Variants in PDZRN3 observed in about 807,000 individuals in gnomAD.
The protein encoded by PDZRN3 is E3 ubiquitin-protein ligase PDZRN3.
PDZRN3 carries 38 observed loss-of-function variants against 85.7 expected under a neutral mutation model. The observed-to-expected ratio is 0.44, with a 90% CI of 0.34 to 0.58. The LOEUF is 0.58. PDZRN3 is among the 20% of genes least tolerant of loss of function. PDZRN3 has a pLI of 0.01. For synonymous variants in PDZRN3, 759 were observed against 638.0 expected (o/e 1.19, Z -2.86); for missense variants, 1,629 against 1,506.4 (o/e 1.08, Z -1.35).
At chr3:73,569,486 T>C (rs1383472258) in intron 3 of PDZRN3, 2 of 1,092,238 alleles carry the variant, frequency 1.8e-6, no homozygotes, top group Non-Finnish European at 2.2e-6. Context: ...CTGCACAGAA[T>C]GCCTTTCTCC....
At chr3:73,393,339 TTCTACTACTACTAC>T (rs1701567068) in intron 5 of PDZRN3, among the ~76,000 whole-genome samples, 1 of 152,150 alleles carries the variant, frequency 6.6e-6, no homozygotes, top group South Asian at 2.1e-4. Context: ...CTACTGGACT[TTCTACTACTACTAC>T]TACTACTACT....
intron 3 of PDZRN3, among the ~76,000 whole-genome samples, chr3:73,536,850 G>A (rs970068144): frequency 9.2e-5 from 14 of 152,094 alleles, no homozygotes; most frequent in African/African-American, 2.2e-4. Context: ...CACGGGGGTC[G>A]CAGAGGTGGG....
At chr3:73,454,375 GAC>G (rs772993787) in intron 3 of PDZRN3, among the ~76,000 whole-genome samples, 1 of 152,078 alleles carries the variant, frequency 6.6e-6, no homozygotes, top group Admixed American at 6.5e-5. Context: ...CATCAGCAAT[GAC>G]ACCTCAACCC....
chr3:73,600,406 C>T (rs547728729), intron 3 of PDZRN3, among the ~76,000 whole-genome samples: 7 of 150,932 alleles, frequency 4.6e-5, no homozygotes, highest in South Asian at 2.1e-4. Flanking sequence ...TAAACTCAGA[C>T]GCAGATGAGG....
At chr3:73,522,807 G>C (rs1418877357) in intron 3 of PDZRN3, among the ~76,000 whole-genome samples, 1 of 152,066 alleles carries the variant, frequency 6.6e-6, no homozygotes, top group East Asian at 1.9e-4. Context: ...TTCTTCAATA[G>C]TTGTACCTAA....
At chr3:73,604,613 A>C (rs1283495127) in intron 2 of PDZRN3, among the ~76,000 whole-genome samples, 2 of 152,210 alleles carry the variant, frequency 1.3e-5, no homozygotes, top group Non-Finnish European at 2.9e-5. Context: ...GAACTTGAAG[A>C]GTCTCAATGG....
chr3:73,450,832 C>T lies in PDZRN3; in HGVS notation c.919-46437G>A, dbSNP rs574136642. 3.3e-5 allele frequency among the ~76,000 whole-genome samples: 5 copies of T among 152,196 alleles called. No homozygotes were observed. The South Asian group carries it at 1.0e-3, about 32-fold the overall frequency. ...GTGCTGCCCATCAGAAGCCTTAATTCTTTTCACCCTCTGGATGAGACCTGC... is the reference window on the plus strand; with the variant it reads ...GTGCTGCCCATCAGAAGCCTTAATTTTTTTCACCCTCTGGATGAGACCTGC... On this transcript the variant is annotated intron_variant, in intron 3 of 9. Transcript: ENST00000263666.
chr3:73,525,575 GTTC>G (rs1191800709), intron 3 of PDZRN3, among the ~76,000 whole-genome samples: 12 of 152,338 alleles, frequency 7.9e-5, no homozygotes, highest in Middle Eastern at 3.4e-3. Context: ...GAGCTGCAGA[GTTC>G]TTCTTCCAAC....
At chr3:73,410,466 T>C (rs1311459768) in intron 3 of PDZRN3, among the ~76,000 whole-genome samples, 1 of 152,218 alleles carries the variant, frequency 6.6e-6, no homozygotes, top group Admixed American at 6.5e-5. Context: ...CCTCAGCAGT[T>C]TGTCCATGGT....
chr3:73,485,681 A>C (rs948170437), intron 3 of PDZRN3, among the ~76,000 whole-genome samples: 17 of 152,228 alleles, frequency 1.1e-4, no homozygotes, highest in Non-Finnish European at 2.2e-4. Context: ...ATTTTAAACT[A>C]TAAGACGATG....
At chr3:73,561,701 A>G (rs764758531) in intron 3 of PDZRN3, 1 of 152,216 alleles carries the variant, frequency 6.6e-6, no homozygotes, top group Non-Finnish European at 1.5e-5. Flanking sequence ...CTTCACGTGC[A>G]TCTTCGCATG....
chr3:73,389,741 T>C, intron 7 of PDZRN3, 75 bp downstream of exon 7: 2 of 1,086,784 alleles, frequency 1.8e-6, no homozygotes, highest in Non-Finnish European at 2.9e-6. Context: ...TTTTCAACCC[T>C]AGACCTATCA....
intron 3 of PDZRN3, among the ~76,000 whole-genome samples, chr3:73,412,111 A>C (rs1397172961): frequency 1.3e-5 from 2 of 152,246 alleles, no homozygotes; most frequent in Admixed American, 1.3e-4. Context: ...TCTTTTTTAC[A>C]CGTCAATGTT....
At chr3:73,544,224 TA>T (rs1459887712) in intron 3 of PDZRN3, among the ~76,000 whole-genome samples, 1 of 152,236 alleles carries the variant, frequency 6.6e-6, no homozygotes, top group African/African-American at 2.4e-5. Context: ...AGGAACTAGT[TA>T]AAGTTTTGTG....
intron 3 of PDZRN3, among the ~76,000 whole-genome samples, chr3:73,537,974 T>A (rs1489869893): frequency 6.6e-6 from 1 of 152,112 alleles, no homozygotes; most frequent in Non-Finnish European, 1.5e-5. Context: ...TTTCCAGGTA[T>A]CATAGTCAAT....
In PDZRN3 at chr3:73,490,344, C is replaced by T. The variant is rs553615701; in HGVS notation, c.919-85949G>A. Among the ~76,000 whole-genome samples the T allele has an allele frequency of 2.8e-4, 43 of 152,310 alleles. No homozygotes were observed. In the South Asian group the frequency reaches 7.7e-3, roughly 27 times the overall value. On this transcript the variant is annotated intron_variant, in intron 3 of 9. Coordinates refer to ENST00000263666, the MANE Select transcript of PDZRN3 (RefSeq NM_015009.3). The stretch of plus-strand genomic sequence containing the variant: ...AACCCAAGACCATGTACGCCCACTA[C>T]GAAGAGAAATCACACTGTGCTCCTG...
intron 3 of PDZRN3, among the ~76,000 whole-genome samples, chr3:73,531,436 A>T (rs1418122536): frequency 1.3e-5 from 2 of 151,996 alleles, no homozygotes; most frequent in Non-Finnish European, 2.9e-5. Flanking sequence ...CTCTATCATA[A>T]CCATGTTTGC....
intron 3 of PDZRN3, among the ~76,000 whole-genome samples, chr3:73,534,204 C>A (rs1704725183): frequency 6.6e-6 from 1 of 152,168 alleles, no homozygotes; most frequent in Admixed American, 6.5e-5. Context: ...AGAAGCAGGG[C>A]TCCTGCTTGT....
At chr3:73,517,980 A>G (rs1156243495) in intron 3 of PDZRN3, among the ~76,000 whole-genome samples, 1 of 152,236 alleles carries the variant, frequency 6.6e-6, no homozygotes, top group East Asian at 1.9e-4. Context: ...TAGAATTACC[A>G]TATGATTCAG....
Sources: allele counts gnomAD v4.1 joint callset (sites outside exome capture counted in the v4.1 genomes callset), GRCh38; gene constraint gnomAD v4.1.1; transcripts MANE v1.5; gene names NCBI Gene and HGNC (gene_info 2026-07-23, HGNC 2026-07-21).